Variants in DLGAP2 observed in about 807,000 individuals in gnomAD.
DLGAP2 encodes the protein disks large-associated protein 2.
DLGAP2 carries 26 observed loss-of-function variants against 100.3 expected under a neutral mutation model. The ratio of observed to expected loss-of-function variants is 0.26; its 90% CI spans 0.19 to 0.36. The LOEUF (loss-of-function observed/expected upper bound fraction) is 0.36, where lower values mean the gene tolerates loss of function less well. Among genes scored for constraint, DLGAP2 ranks in the 10% least tolerant of loss-of-function variants. The pLI is 1.00. For missense variants in DLGAP2, 1,858 were observed against 1,453.2 expected (o/e 1.28, Z -4.53); for synonymous variants, 886 against 630.1 (o/e 1.41, Z -6.08).
At chr8:1,573,336 G>T (rs1393857159) in intron 6 of DLGAP2, among the ~76,000 whole-genome samples, 2 of 133,542 alleles carry the variant, frequency 1.5e-5, no homozygotes, top group African/African-American at 2.9e-5. Context: ...CATCTGATGA[G>T]ATGGAGGGGA....
At chr8:1,562,989 TG>T (rs1178871875) in intron 5 of DLGAP2, among the ~76,000 whole-genome samples, 15 of 60,790 alleles carry the variant, frequency 2.5e-4, no homozygotes, top group Non-Finnish European at 2.4e-4. Context: ...TGTGTGGTGT[TG>T]GGGTGTCCGC....
chr8:881,360 CTG>C (rs538497369), intron 1 of DLGAP2, among the ~76,000 whole-genome samples: 358 of 152,272 alleles, frequency 2.4e-3, no homozygotes, highest in Non-Finnish European at 3.7e-3. Context: ...ATCTCTATCT[CTG>C]TAAATAGAGA....
chr8:1,615,459 G>A (rs1211190832), intron 6 of DLGAP2, among the ~76,000 whole-genome samples: 2 of 152,202 alleles, frequency 1.3e-5, no homozygotes, highest in East Asian at 1.9e-4. Context: ...TGCTCAAAAC[G>A]AAGCCTGAGA....
intron 2 of DLGAP2, among the ~76,000 whole-genome samples, chr8:1,165,858 GA>G (rs74313556): frequency 0.13 from 19,897 of 147,512 alleles, 1,447 homozygotes; most frequent in East Asian, 0.24. Flanking sequence ...AGATTTAAGG[GA>G]AAAAAAAAAC....
chr8:1,506,136 A>G (rs1244256431), intron 4 of DLGAP2, among the ~76,000 whole-genome samples: 1 of 152,214 alleles, frequency 6.6e-6, no homozygotes, highest in Non-Finnish European at 1.5e-5. Context: ...AGCTTTAATC[A>G]TCTCCACAGC....
intron 1 of DLGAP2, among the ~76,000 whole-genome samples, chr8:875,242 T>A (rs1273455738): frequency 5.3e-5 from 8 of 152,188 alleles, no homozygotes. Context: ...CCATTCACAT[T>A]TAATATTATC....
intron 2 of DLGAP2, among the ~76,000 whole-genome samples, chr8:1,120,670 G>A (rs895703703): frequency 6.7e-6 from 1 of 149,586 alleles, no homozygotes; most frequent in African/African-American, 2.5e-5. Context: ...CTAGTCCTTT[G>A]GATGCCATGA....
intron 2 of DLGAP2, among the ~76,000 whole-genome samples, chr8:1,072,287 A>G (rs2004701): frequency 0.45 from 67,694 of 151,886 alleles, 15,599 homozygotes; most frequent in African/African-American, 0.56. Context: ...CGGGGATGGT[A>G]GACATTGTAA....
chr8:1,211,158 A>G (rs2116786224), intron 2 of DLGAP2, among the ~76,000 whole-genome samples: 1 of 152,348 alleles, frequency 6.6e-6, no homozygotes, highest in Admixed American at 6.5e-5. Flanking sequence ...ATCTCATGTG[A>G]ACAGGCTGCG....
chr8:975,887 T>C (rs981107047), intron 2 of DLGAP2, among the ~76,000 whole-genome samples: 2 of 151,952 alleles, frequency 1.3e-5, no homozygotes, highest in Admixed American at 6.6e-5. Flanking sequence ...ATAAAAGCTG[T>C]ACAGACCAAG....
At position 1,187,076 on chromosome 8, in the gene DLGAP2, G is replaced by A. The variant is rs561131232; in HGVS notation, c.74-71775G>A. On this transcript the variant is annotated intron_variant, in intron 2 of 14. Transcript: ENST00000637795. ...TCCCATGGAAGGGCTGTTCTGAGCA[G>A]CTGCTTGGAGATGCATCAATACGTT... Among the ~76,000 whole-genome samples the A allele has an allele frequency of 9.2e-5, 14 of 152,314 alleles. No individual in the cohort carries two copies. The South Asian group carries it at 2.7e-3, about 29-fold the overall frequency.
intron 2 of DLGAP2, among the ~76,000 whole-genome samples, chr8:1,253,167 C>T (rs1479503874): frequency 1.3e-5 from 2 of 152,218 alleles, no homozygotes; most frequent in East Asian, 1.9e-4. Context: ...CTCAGGAAAG[C>T]GGTACCCATC....
intron 3 of DLGAP2, among the ~76,000 whole-genome samples, chr8:1,475,052 C>G (rs569469182): frequency 6.6e-6 from 1 of 152,156 alleles, no homozygotes; most frequent in South Asian, 2.1e-4. Flanking sequence ...ACGCAGCCAT[C>G]AGGAAGAATG....
At chr8:948,480 G>A (rs961251492) in intron 2 of DLGAP2, among the ~76,000 whole-genome samples, 1 of 152,230 alleles carries the variant, frequency 6.6e-6, no homozygotes. Context: ...CACCACACCA[G>A]GCGCCTGCTG....
intron 2 of DLGAP2, among the ~76,000 whole-genome samples, chr8:993,914 A>G (rs1018089639): frequency 2.0e-5 from 3 of 151,080 alleles, no homozygotes; most frequent in Non-Finnish European, 4.4e-5. Context: ...CTTGACTCTA[A>G]TAGCAGATCC....
intron 2 of DLGAP2, among the ~76,000 whole-genome samples, chr8:977,695 A>G (rs1584941102): frequency 6.7e-6 from 1 of 150,188 alleles, no homozygotes; most frequent in East Asian, 1.9e-4. Context: ...GTTTTTTAAG[A>G]GAGTTCATAG....
In DLGAP2 at chr8:999,969, C is replaced by T. The variant is rs571581234; in HGVS notation, c.73+92003C>T. Among the ~76,000 whole-genome samples the T allele has an allele frequency of 7.4e-3, 1,085 of 146,232 alleles. 6 individuals are homozygous for T. Among genetic ancestry groups the T allele is most frequent in the Non-Finnish European group, 0.011 (716 of 65,604 alleles). ...GGATTTTCTCTAGAGCAGACAGATCCGGGTGGAGGTGGTTTTCTTTTGCAC... is the reference window on the plus strand; with the variant it reads ...GGATTTTCTCTAGAGCAGACAGATCTGGGTGGAGGTGGTTTTCTTTTGCAC... On this transcript the variant is annotated intron_variant, in intron 2 of 14. Transcript: ENST00000637795.
At chr8:741,615 T>C (rs909092840) in intron 1 of DLGAP2, among the ~76,000 whole-genome samples, 1 of 152,200 alleles carries the variant, frequency 6.6e-6, no homozygotes, top group Non-Finnish European at 1.5e-5. Context: ...TCTGTATTTA[T>C]TGGCGGGCCT....
At chr8:1,314,187 C>T in intron 3 of DLGAP2, among the ~76,000 whole-genome samples, 1 of 152,114 alleles carries the variant, frequency 6.6e-6, no homozygotes, top group South Asian at 2.1e-4. Context: ...CGTTTATTTG[C>T]TTTAGATTTC....
Sources: gnomAD v4.1 joint callset for allele counts (sites outside exome capture counted in the v4.1 genomes callset) on GRCh38, gnomAD v4.1.1 for gene constraint, MANE v1.5 for transcripts, NCBI Gene and HGNC (gene_info 2026-07-23, HGNC 2026-07-21) for gene names.